The following CHRM2 variants were observed in gnomAD, a reference collection of about 807,000 sequenced individuals.
The protein encoded by CHRM2 is cholinergic receptor muscarinic 2.
A neutral mutation model predicts 25.0 loss-of-function variants in CHRM2; 8 were observed. That is an observed-to-expected ratio of 0.32 (90% CI 0.19 to 0.58). The LOEUF (loss-of-function observed/expected upper bound fraction) is 0.58, where lower values mean the gene tolerates loss of function less well. Ranked by LOEUF, CHRM2 falls within the 20% of genes least tolerant of loss-of-function variation. CHRM2 has a pLI of 0.88. For missense variants in CHRM2, 440 were observed against 567.1 expected, an observed-to-expected ratio of 0.78 and a Z score of 2.28; for synonymous variants, 202 against 205.7, an observed-to-expected ratio of 0.98 and a Z score of 0.15.
intron 2 of CHRM2, among the ~76,000 whole-genome samples, chr7:136,979,519 C>A (rs1802340689): frequency 6.6e-6 from 1 of 152,176 alleles, no homozygotes; most frequent in South Asian, 2.1e-4. Flanking sequence ...AAGCCTTTCC[C>A]CAGGCCTATA....
At chr7:136,975,317 TA>T (rs896486472) in intron 2 of CHRM2, among the ~76,000 whole-genome samples, 1 of 152,130 alleles carries the variant, frequency 6.6e-6, no homozygotes, top group Non-Finnish European at 1.5e-5. Flanking sequence ...TTATGAACTC[TA>T]AAAAAGTGGA....
At chr7:136,955,914 G>C (rs541775624) in intron 2 of CHRM2, among the ~76,000 whole-genome samples, 2 of 152,118 alleles carry the variant, frequency 1.3e-5, no homozygotes, top group Non-Finnish European at 2.9e-5. Flanking sequence ...CTTGTTGTCT[G>C]CACATATAAT....
At chr7:136,944,507 G>A (rs999417057) in intron 2 of CHRM2, among the ~76,000 whole-genome samples, 2 of 151,780 alleles carry the variant, frequency 1.3e-5, no homozygotes, top group African/African-American at 4.8e-5. Context: ...ACATATATGT[G>A]TACATATATA....
chr7:136,936,529 A>G (rs1326261003), intron 2 of CHRM2, among the ~76,000 whole-genome samples: 1 of 152,182 alleles, frequency 6.6e-6, no homozygotes, highest in Admixed American at 6.5e-5. Context: ...TAAATCCATC[A>G]CAGCAGATCA....
chr7:136,994,701 G>C (rs370384974), intron 3 of CHRM2, among the ~76,000 whole-genome samples: 182 of 150,608 alleles, frequency 1.2e-3, no homozygotes, highest in African/African-American at 3.8e-3. Flanking sequence ...TTGTCATAAC[G>C]ATGAGGTTAT....
At chr7:136,873,645 T>C (rs968223589) in intron 2 of CHRM2, among the ~76,000 whole-genome samples, 2 of 152,218 alleles carry the variant, frequency 1.3e-5, no homozygotes, top group Non-Finnish European at 2.9e-5. Flanking sequence ...CACAAGCTTG[T>C]TGGACTCCAC....
chr7:136,937,272 G>A (rs998180292), intron 2 of CHRM2, among the ~76,000 whole-genome samples: 1 of 152,146 alleles, frequency 6.6e-6, no homozygotes, highest in African/African-American at 2.4e-5. Context: ...GCCAAAGTTA[G>A]AATTTGGGCT....
At chr7:136,933,874 G>T (rs1799258450) in intron 2 of CHRM2, among the ~76,000 whole-genome samples, 1 of 152,188 alleles carries the variant, frequency 6.6e-6, no homozygotes. Context: ...CTACAGAGAT[G>T]GAAAGTAGAA....
intron 2 of CHRM2, among the ~76,000 whole-genome samples, chr7:136,897,528 T>C (rs1168722463): frequency 6.6e-6 from 1 of 152,140 alleles, no homozygotes; most frequent in Admixed American, 6.5e-5. Context: ...GAAAGCAGCA[T>C]TAATCATTTT....
chr7:136,968,829 C>T (rs943042276), intron 2 of CHRM2, among the ~76,000 whole-genome samples: 5 of 150,828 alleles, frequency 3.3e-5, no homozygotes, highest in Non-Finnish European at 4.4e-5. Context: ...GGACATTATG[C>T]GGAGTGAAAT....
chr7:136,965,573 C>A (rs372942811), intron 2 of CHRM2, among the ~76,000 whole-genome samples: 1 of 151,982 alleles, frequency 6.6e-6, no homozygotes, highest in East Asian at 1.9e-4. Flanking sequence ...GAAAATAACT[C>A]AAAATAAATG....
At chr7:136,945,500 T>C (rs1160403490) in intron 2 of CHRM2, among the ~76,000 whole-genome samples, 3 of 152,120 alleles carry the variant, frequency 2.0e-5, no homozygotes. Context: ...CTTTCCCCAC[T>C]TTGTTTGTGT....
chr7:136,991,491 T>C (rs1031664603), intron 2 of CHRM2, among the ~76,000 whole-genome samples: 18 of 152,134 alleles, frequency 1.2e-4, no homozygotes, highest in African/African-American at 4.3e-4. Context: ...CCTTGATATA[T>C]TTGTCTATTA....
At position 136,932,129 on chromosome 7, in the gene CHRM2, T is replaced by C. The variant is rs543770193; in HGVS notation, c.-124-60058T>C. ...TAATAATCTGATTCAAAATTTACAT[T>C]ATGGATATTACAGAAATAAAAAGGA... On this transcript the variant is annotated intron_variant, in intron 2 of 3. Transcript: ENST00000680005. 1.2e-4 allele frequency among the ~76,000 whole-genome samples: 19 copies of C among 152,244 alleles called. 1 individual carries two copies. The East Asian group carries it at 3.5e-3, about 28-fold the overall frequency.
intron 2 of CHRM2, among the ~76,000 whole-genome samples, chr7:136,983,802 C>T (rs902460919): frequency 1.3e-5 from 2 of 152,174 alleles, no homozygotes; most frequent in Non-Finnish European, 2.9e-5. Context: ...GCTCCTTCCT[C>T]TGGAAGCTTC....
At chr7:136,880,605 A>T (rs189402115) in intron 2 of CHRM2, among the ~76,000 whole-genome samples, 1 of 151,770 alleles carries the variant, frequency 6.6e-6, no homozygotes, top group Non-Finnish European at 1.5e-5. Context: ...TATTGAAAGA[A>T]TTTTTTTCTT....
intron 3 of CHRM2, among the ~76,000 whole-genome samples, chr7:136,995,885 A>G (rs1486376761): frequency 2.6e-5 from 4 of 151,950 alleles, no homozygotes; most frequent in Non-Finnish European, 5.9e-5. Context: ...ATTAAAAATA[A>G]AACACTAATA....
At chr7:136,909,948 A>AT (rs1797751967) in intron 2 of CHRM2, among the ~76,000 whole-genome samples, 1 of 151,726 alleles carries the variant, frequency 6.6e-6, no homozygotes, top group Non-Finnish European at 1.5e-5. Context: ...GGTTGGATAC[A>AT]TTTTTCCTCC....
chr7:136,930,765 C>T (rs1186383605), intron 2 of CHRM2, among the ~76,000 whole-genome samples: 18 of 151,666 alleles, frequency 1.2e-4, no homozygotes, highest in Non-Finnish European at 2.2e-4. Flanking sequence ...GTTGTGGTGG[C>T]GGGCACCTGT....
Sources: allele counts gnomAD v4.1 joint callset (sites outside exome capture counted in the v4.1 genomes callset), GRCh38; gene constraint gnomAD v4.1.1; transcripts MANE v1.5; gene names NCBI Gene and HGNC (gene_info 2026-07-23, HGNC 2026-07-21).